ZDHHC20: variants seen among roughly 807,000 people sequenced by gnomAD.
ZDHHC20 encodes the protein palmitoyltransferase ZDHHC20.
ZDHHC20 carries 43 observed loss-of-function variants against 57.8 expected under a neutral mutation model. That is an observed-to-expected ratio of 0.74 (90% CI 0.58 to 0.96). The LOEUF is 0.96. Ranked by LOEUF, ZDHHC20 falls within the 40% of genes least tolerant of loss-of-function variation. The pLI is 0.00. For synonymous variants in ZDHHC20, 157 were observed against 153.0 expected, an observed-to-expected ratio of 1.03 and a Z score of -0.19; for missense variants, 391 against 441.1, an observed-to-expected ratio of 0.89 and a Z score of 1.02.
intron 9 of ZDHHC20, among the ~76,000 whole-genome samples, chr13:21,386,895 A>G (rs1369448860): frequency 6.6e-6 from 1 of 152,220 alleles, no homozygotes; most frequent in Non-Finnish European, 1.5e-5. Flanking sequence ...AAAAAATGAA[A>G]GCAAATAAGT....
intron 1 of ZDHHC20, among the ~76,000 whole-genome samples, chr13:21,439,258 A>C (rs1882877056): frequency 1.3e-5 from 2 of 152,150 alleles, no homozygotes; most frequent in Admixed American, 1.3e-4. Flanking sequence ...CCAACACGTA[A>C]GGAGGCTGAG....
intron 3 of ZDHHC20, among the ~76,000 whole-genome samples, chr13:21,418,075 T>C (rs191852025): frequency 6.6e-6 from 1 of 151,962 alleles, no homozygotes; most frequent in Admixed American, 6.5e-5. Context: ...ATTTAATAGT[T>C]ACTGAAAATC....
chr13:21,432,197 G>A (rs543513270), intron 1 of ZDHHC20, among the ~76,000 whole-genome samples: 29 of 151,890 alleles, frequency 1.9e-4, no homozygotes, highest in Non-Finnish European at 3.8e-4. Flanking sequence ...ACAGAATCTC[G>A]CTCTGTCGCC....
At chr13:21,379,811 TTTTTTTC>T (rs149431886) in intron 11 of ZDHHC20, among the ~76,000 whole-genome samples, 1 of 115,566 alleles carries the variant, frequency 8.7e-6, no homozygotes, top group Admixed American at 8.9e-5. Context: ...AGTGTGCTCT[TTTTTTTC>T]TTTTTTCTTT....
rs1020537336 is a variant in ZDHHC20 at position 21,454,092 on chromosome 13, G to A, written c.118+4962C>T. On this transcript the variant is annotated intron_variant, in intron 1 of 12. Transcript: ENST00000400590. ...CGTAATCCCAGCACTTTGGGAGGCCGAGGTGGGTGGATCGCTTGAGGTCAG... is the reference window on the plus strand; with the variant it reads ...CGTAATCCCAGCACTTTGGGAGGCCAAGGTGGGTGGATCGCTTGAGGTCAG... Among the ~76,000 whole-genome samples the A allele has an allele frequency of 7.2e-5, 11 of 152,216 alleles. No homozygotes were observed. In the South Asian group the frequency reaches 1.2e-3, roughly 17 times the overall value.
intron 3 of ZDHHC20, among the ~76,000 whole-genome samples, chr13:21,414,527 A>ATTTTTTTTTTTTTTTTTTTTTTTTTTTT (rs747307477): frequency 3.0e-4 from 32 of 107,504 alleles, no homozygotes; most frequent in Middle Eastern, 6.2e-3. Flanking sequence ...TGCCCGGATA[A>ATTTTTTTTTTTTTTTTTTTTTTTTTTTT]TTTTTTTTTT....
At chr13:21,437,097 C>A (rs1365637700) in intron 1 of ZDHHC20, among the ~76,000 whole-genome samples, 1 of 152,172 alleles carries the variant, frequency 6.6e-6, no homozygotes, top group Non-Finnish European at 1.5e-5. Flanking sequence ...CAGCCACAAA[C>A]ATTCCCTTAA....
intron 4 of ZDHHC20, among the ~76,000 whole-genome samples, chr13:21,403,773 C>T (rs9509684): frequency 0.17 from 26,425 of 152,112 alleles, 2,812 homozygotes; most frequent in Non-Finnish European, 0.25. Context: ...CTGCAACCTC[C>T]GCCTCCTGGG....
In ZDHHC20 at chr13:21,452,750, G is replaced by C. The variant is rs79871939; in HGVS notation, c.118+6304C>G. Among the ~76,000 whole-genome samples the C allele has an allele frequency of 3.2e-3, 491 of 152,236 alleles. 2 individuals carry two copies. The highest frequency in any genetic ancestry group is 0.011 in the African/African-American group (461 of 41,550). On this transcript the variant is annotated intron_variant, in intron 1 of 12. Transcript: ENST00000400590. The stretch of plus-strand genomic sequence containing the variant: ...TGAAACAGTACGTAACTTGAAGGTA[G>C]ACTGTGATAACTCAAAGACACATGT...
At chr13:21,447,472 C>T (rs1471868194) in intron 1 of ZDHHC20, among the ~76,000 whole-genome samples, 3 of 145,788 alleles carry the variant, frequency 2.1e-5, no homozygotes, top group Non-Finnish European at 4.6e-5. Context: ...TTGGTGGAGA[C>T]GGGGTTTGGC....
At chr13:21,379,870 A>G (rs1358615379) in intron 11 of ZDHHC20, among the ~76,000 whole-genome samples, 1 of 138,446 alleles carries the variant, frequency 7.2e-6, no homozygotes, top group Non-Finnish European at 1.5e-5. Flanking sequence ...GCTGGGGTGC[A>G]GTGGTGCAAT....
intron 1 of ZDHHC20, among the ~76,000 whole-genome samples, chr13:21,439,630 T>C (rs1217483173): frequency 6.6e-6 from 1 of 152,114 alleles, no homozygotes; most frequent in Non-Finnish European, 1.5e-5. Flanking sequence ...AGACATGACA[T>C]CTGCAATGTG....
chr13:21,407,578 G>A (rs1878625689), intron 4 of ZDHHC20, among the ~76,000 whole-genome samples: 1 of 152,166 alleles, frequency 6.6e-6, no homozygotes, highest in Admixed American at 6.5e-5. Context: ...TAGGTTGCCT[G>A]TTCACTCTGA....
At chr13:21,401,743 T>C (rs940170188) in intron 5 of ZDHHC20, 58 bp from the exon 6 acceptor site, 25 of 1,424,510 alleles carry the variant, frequency 1.8e-5, no homozygotes, top group Non-Finnish European at 2.2e-5. Flanking sequence ...AATTCTAACT[T>C]CTCATAATTT....
At chr13:21,379,448 A>C (rs968285907) in intron 11 of ZDHHC20, among the ~76,000 whole-genome samples, 1 of 151,534 alleles carries the variant, frequency 6.6e-6, no homozygotes. Flanking sequence ...GGCCTAGAAA[A>C]TTTTTTTCCC....
At chr13:21,410,453 G>A (rs1020631312) in intron 4 of ZDHHC20, among the ~76,000 whole-genome samples, 4 of 152,196 alleles carry the variant, frequency 2.6e-5, no homozygotes, top group African/African-American at 9.6e-5. Context: ...CTGAAGCTGT[G>A]CCTACAGCTG....
intron 1 of ZDHHC20, among the ~76,000 whole-genome samples, chr13:21,442,217 T>G (rs1243277378): frequency 6.6e-6 from 1 of 152,222 alleles, no homozygotes; most frequent in African/African-American, 2.4e-5. Context: ...GCCTAGCTTG[T>G]ATATCTATCA....
chr13:21,409,612 T>C (rs778494144), intron 4 of ZDHHC20, among the ~76,000 whole-genome samples: 8 of 152,206 alleles, frequency 5.3e-5, no homozygotes, highest in Non-Finnish European at 1.0e-4. Flanking sequence ...TCTAATCTTG[T>C]CTTTATGCTT....
rs541809876 is a variant in ZDHHC20 at position 21,455,086 on chromosome 13, A to T, written c.118+3968T>A. Among the ~76,000 whole-genome samples, 12 of 152,054 alleles carry T rather than the reference A, an allele frequency of 7.9e-5. No individual in the cohort carries two copies. In the South Asian group the frequency reaches 1.7e-3, roughly 21 times the overall value. ...CAGGCACCCGCCACCACACTCGGCT[A>T]ATTTTTTGTATTTTTAGAGAGATGG... is the stretch of plus-strand genomic sequence containing the variant. On this transcript the variant is annotated intron_variant, in intron 1 of 12. Coordinates refer to ENST00000400590, the MANE Select transcript of ZDHHC20 (RefSeq NM_001330059.2).
Sources: gnomAD v4.1 joint callset for allele counts (sites outside exome capture counted in the v4.1 genomes callset) on GRCh38, gnomAD v4.1.1 for gene constraint, MANE v1.5 for transcripts, NCBI Gene and HGNC (gene_info 2026-07-23, HGNC 2026-07-21) for gene names.